Variants in UBE2D2 observed in about 807,000 individuals in gnomAD.
UBE2D2 encodes ubiquitin conjugating enzyme E2 D2, also known as ubiquitin-conjugating enzyme E2 D2.
Under a neutral mutation model 24.2 loss-of-function variants are expected in UBE2D2, and 2 were observed. That is an observed-to-expected ratio of 0.08 (90% confidence interval 0.03 to 0.26). The LOEUF is 0.26. UBE2D2 is among the 10% of genes least tolerant of loss of function. The pLI is 1.00. For missense variants in UBE2D2, 44 were observed against 177.6 expected (o/e 0.25, Z 4.28); for synonymous variants, 58 against 56.5 (o/e 1.03, Z -0.12).
At chr5:139,551,979 C>T (rs1043660914) in intron 1 of UBE2D2, among the ~76,000 whole-genome samples, 2 of 152,104 alleles carry the variant, frequency 1.3e-5, no homozygotes, top group African/African-American at 2.4e-5. Context: ...CAGAACACAT[C>T]CCAAATCTAA....
At chr5:139,619,935 C>T (rs1349786810) in intron 5 of UBE2D2, among the ~76,000 whole-genome samples, 12 of 152,128 alleles carry the variant, frequency 7.9e-5, no homozygotes, top group African/African-American at 7.2e-5. Flanking sequence ...TCTGCTTCTG[C>T]GGAGTCCTCG....
At chr5:139,621,134 C>T (rs1754507046) in intron 5 of UBE2D2, among the ~76,000 whole-genome samples, 1 of 152,132 alleles carries the variant, frequency 6.6e-6, no homozygotes, top group South Asian at 2.1e-4. Flanking sequence ...TGTAGTCTTA[C>T]CTGGAGAGTG....
chr5:139,562,311 T>G (rs74618451), intron 1 of UBE2D2: 65 of 1,349,542 alleles, frequency 4.8e-5, no homozygotes, highest in Non-Finnish European at 5.9e-5. Context: ...CACAAGTATA[T>G]CCTGAGTTCA....
intron 1 of UBE2D2, among the ~76,000 whole-genome samples, chr5:139,528,561 G>A (rs567515680): frequency 1.3e-5 from 2 of 152,328 alleles, no homozygotes; most frequent in South Asian, 2.1e-4. Flanking sequence ...CAAGGGCCCT[G>A]TTAGCACAAG....
chr5:139,558,544 T>A (rs1187773612), upstream of UBE2D2, among the ~76,000 whole-genome samples: 1 of 152,182 alleles, frequency 6.6e-6, no homozygotes, highest in Non-Finnish European at 1.5e-5. Context: ...CGCCTCGGCC[T>A]CCCAAAGTGT....
At chr5:139,608,782 A>G (rs1431340039) in intron 2 of UBE2D2, among the ~76,000 whole-genome samples, 1 of 152,130 alleles carries the variant, frequency 6.6e-6, no homozygotes, top group Non-Finnish European at 1.5e-5. Flanking sequence ...GGAAATATTT[A>G]GCTAAAAATT....
At chr5:139,546,865 CCTTCCTTT>C (rs1390975145) in intron 1 of UBE2D2, among the ~76,000 whole-genome samples, 85 of 104,566 alleles carry the variant, frequency 8.1e-4, no homozygotes, top group Middle Eastern at 5.2e-3. Context: ...TTCCTTCCTT[CCTTCCTTT>C]CTTTCCTTCT....
At position 139,561,742 on chromosome 5, in the gene UBE2D2, TTCCCCGCCCCCG is replaced by T. The variant is rs764163542; in HGVS notation, c.-39_-28del. The T allele has an allele frequency of 1.0e-4, 123 of 1,219,284 alleles. No homozygotes were observed. The highest frequency in any genetic ancestry group is 5.0e-4 in the Middle Eastern group (2 of 3,962). 75.5% of individuals were successfully genotyped at this position (1,219,284 alleles called of 1,614,324 possible). A position where few individuals can be genotyped will look rare whatever the true frequency, so the allele number is the denominator to read the frequency against. On this transcript the variant is annotated 5_prime_UTR_variant, in exon 1 of 7. Transcript: ENST00000398733. ...GGCTCCCTAGCCCCTTCCCCGTCCC[TTCCCCGCCCCCG>T]TCCCCGCCCCGGGGGCCGCCGCCAC... is the stretch of plus-strand genomic sequence containing the variant.
At chr5:139,584,533 C>CTTTTTTTTT (rs10642044) in intron 1 of UBE2D2, among the ~76,000 whole-genome samples, 8 of 133,068 alleles carry the variant, frequency 6.0e-5, no homozygotes, top group African/African-American at 1.2e-4. Context: ...CTTTTCTTTT[C>CTTTTTTTTT]TTTTTTTTTT....
intron 1 of UBE2D2, among the ~76,000 whole-genome samples, chr5:139,599,198 G>A (rs1284455086): frequency 6.6e-6 from 1 of 151,774 alleles, no homozygotes; most frequent in African/African-American, 2.4e-5. Context: ...GCCCCACAAA[G>A]TGCTGGGATT....
intron 1 of UBE2D2, among the ~76,000 whole-genome samples, chr5:139,587,108 A>G (rs969805103): frequency 1.3e-5 from 2 of 152,148 alleles, no homozygotes; most frequent in African/African-American, 2.4e-5. Flanking sequence ...ATCTTCGGCC[A>G]TGCTGTGAGT....
intron 1 of UBE2D2, among the ~76,000 whole-genome samples, chr5:139,555,834 G>A (rs1156828489): frequency 3.5e-5 from 5 of 143,526 alleles, no homozygotes; most frequent in African/African-American, 1.3e-4. Context: ...GCTGAGGCAG[G>A]AGAATCGCTT....
At chr5:139,620,223 T>C (rs1406051624) in intron 5 of UBE2D2, among the ~76,000 whole-genome samples, 1 of 152,154 alleles carries the variant, frequency 6.6e-6, no homozygotes, top group East Asian at 1.9e-4. Flanking sequence ...ACCATATCAG[T>C]ATATTAGAAA....
intron 1 of UBE2D2, among the ~76,000 whole-genome samples, chr5:139,547,213 C>T (rs1368114720): frequency 6.6e-6 from 1 of 151,746 alleles, no homozygotes; most frequent in African/African-American, 2.4e-5. Flanking sequence ...ATGGCGTGAA[C>T]CTGGGAGGCG....
chr5:139,588,792 A>G (rs1753785316), intron 1 of UBE2D2, among the ~76,000 whole-genome samples: 1 of 152,074 alleles, frequency 6.6e-6, no homozygotes, highest in East Asian at 1.9e-4. Context: ...GTTTTTTGAG[A>G]TAGGGTCTTG....
At chr5:139,543,760 C>T (rs1027287046) in intron 1 of UBE2D2, among the ~76,000 whole-genome samples, 2 of 152,224 alleles carry the variant, frequency 1.3e-5, no homozygotes, top group African/African-American at 2.4e-5. Flanking sequence ...CATTAAATGT[C>T]GTCTGCTTCC....
intron 5 of UBE2D2, among the ~76,000 whole-genome samples, chr5:139,616,334 A>G (rs2126703703): frequency 6.6e-6 from 1 of 152,036 alleles, no homozygotes; most frequent in East Asian, 2.0e-4. Flanking sequence ...ACTCCGTCTC[A>G]AAAACAAGAA....
At chr5:139,584,366 G>T (rs536989188) in intron 1 of UBE2D2, among the ~76,000 whole-genome samples, 1 of 152,076 alleles carries the variant, frequency 6.6e-6, no homozygotes, top group Admixed American at 6.6e-5. Flanking sequence ...TGTTCCTACA[G>T]CTACACATTT....
intron 6 of UBE2D2, among the ~76,000 whole-genome samples, chr5:139,623,933 T>C (rs1754566058): frequency 6.6e-6 from 1 of 152,124 alleles, no homozygotes; most frequent in Non-Finnish European, 1.5e-5. Context: ...TCAAATGATC[T>C]GCCTGCCTAG....
Sources: allele counts gnomAD v4.1 joint callset (sites outside exome capture counted in the v4.1 genomes callset), GRCh38; gene constraint gnomAD v4.1.1; transcripts MANE v1.5; gene names NCBI Gene and HGNC (gene_info 2026-07-23, HGNC 2026-07-21).